Variants in PTPRJ observed in about 807,000 individuals in gnomAD.
PTPRJ encodes the protein protein tyrosine phosphatase receptor type J, also known as receptor-type tyrosine-protein phosphatase eta.
PTPRJ carries 129 observed loss-of-function variants against 141.3 expected under a neutral mutation model. The ratio of observed to expected loss-of-function variants is 0.91; its 90% CI spans 0.79 to 1.06. PTPRJ has a LOEUF of 1.06. PTPRJ is among the 50% of genes least tolerant of loss of function. The probability of loss-of-function intolerance (pLI) is 0.00; values close to 1 mark genes in which losing one functional copy is unlikely to be tolerated. For synonymous variants in PTPRJ, 610 were observed against 640.5 expected, an observed-to-expected ratio of 0.95 and a Z score of 0.72; for missense variants, 1,601 against 1,679.7, an observed-to-expected ratio of 0.95 and a Z score of 0.82.
At position 48,167,267 on chromosome 11, in the gene PTPRJ, G is replaced by A. The variant is rs1277771513; in HGVS notation, c.3919G>A (p.Val1307Ile). ...DIVRSQKDSK[V>I]DLIYQNTTAM... ...TGTCAGATCCCAGAAAGACTCAAAAGTAGATCTTATCTACCAGAACACAAC... is the reference window on the plus strand; with the variant it reads ...TGTCAGATCCCAGAAAGACTCAAAAATAGATCTTATCTACCAGAACACAAC... The change falls in exon 25 of 25, where the codon GTA (valine) becomes ATA (isoleucine). Residue 1307 changes from valine (V) to isoleucine (I), a missense_variant. Val to Ile is a conservative substitution (Grantham distance 29, BLOSUM62 3). Transcript: ENST00000418331. 1 of 1,612,974 alleles carries A rather than the reference G, an allele frequency of 6.2e-7. No individual in the cohort carries two copies. Among genetic ancestry groups the A allele is most frequent in the Middle Eastern group, 1.7e-4 (1 of 6,058 alleles).
intron 1 of PTPRJ, among the ~76,000 whole-genome samples, chr11:48,065,092 G>A (rs1297583503): frequency 7.5e-6 from 1 of 133,616 alleles, no homozygotes; most frequent in Non-Finnish European, 1.5e-5. Context: ...TCATCTTACT[G>A]CAACCTCTTC....
chr11:48,016,714 C>G (rs747482959), intron 1 of PTPRJ, among the ~76,000 whole-genome samples: 2 of 152,124 alleles, frequency 1.3e-5, no homozygotes, highest in African/African-American at 2.4e-5. Context: ...AGCCTTTTGT[C>G]TGGCATTAAC....
At chr11:48,125,450 C>T (rs1181652019) in intron 6 of PTPRJ, among the ~76,000 whole-genome samples, 1 of 152,206 alleles carries the variant, frequency 6.6e-6, no homozygotes, top group Non-Finnish European at 1.5e-5. Context: ...CCATCTTTCA[C>T]AGCTTTGCGT....
intron 1 of PTPRJ, among the ~76,000 whole-genome samples, chr11:48,027,961 C>A (rs140255364): frequency 2.0e-5 from 3 of 151,994 alleles, no homozygotes; most frequent in Non-Finnish European, 4.4e-5. Context: ...CTTCCAGGGT[C>A]CAGATGCTTC....
At chr11:48,075,470 T>C (rs942386472) in intron 1 of PTPRJ, among the ~76,000 whole-genome samples, 3 of 152,180 alleles carry the variant, frequency 2.0e-5, no homozygotes, top group Non-Finnish European at 4.4e-5. Flanking sequence ...TCACCCAGGC[T>C]GGAGTGCAGT....
At chr11:48,009,774 A>G (rs1854729900) in intron 1 of PTPRJ, among the ~76,000 whole-genome samples, 1 of 152,228 alleles carries the variant, frequency 6.6e-6, no homozygotes, top group Non-Finnish European at 1.5e-5. Flanking sequence ...TTCCCAGTTC[A>G]GGCTTCTCAG....
intron 1 of PTPRJ, among the ~76,000 whole-genome samples, chr11:48,034,647 A>C (rs541775762): frequency 7.9e-5 from 12 of 152,308 alleles, no homozygotes; most frequent in African/African-American, 2.9e-4. Context: ...GGAGGTAGGT[A>C]CTATTATTTT....
intron 1 of PTPRJ, among the ~76,000 whole-genome samples, chr11:48,062,252 G>A (rs542335105): frequency 6.6e-6 from 1 of 151,388 alleles, no homozygotes; most frequent in Admixed American, 6.6e-5. Context: ...GGTGGCTCAT[G>A]CCTGTAATCC....
intron 1 of PTPRJ, among the ~76,000 whole-genome samples, chr11:48,043,792 C>G (rs1317699154): frequency 6.6e-6 from 1 of 152,080 alleles, no homozygotes; most frequent in Non-Finnish European, 1.5e-5. Context: ...CTCTGTTTAC[C>G]GAGTGCATGC....
chr11:48,020,718 T>G (rs921610837), intron 1 of PTPRJ, among the ~76,000 whole-genome samples: 3 of 152,176 alleles, frequency 2.0e-5, no homozygotes, highest in Admixed American at 1.3e-4. Context: ...ATGGAGCTTC[T>G]GGAAGTATCA....
chr11:48,092,722 G>A (rs1355756613), intron 1 of PTPRJ, among the ~76,000 whole-genome samples: 1 of 152,164 alleles, frequency 6.6e-6, no homozygotes. Flanking sequence ...GAACTACTGC[G>A]CCGGGCTTGA....
chr11:48,069,694 G>A (rs532293281), intron 1 of PTPRJ, among the ~76,000 whole-genome samples: 14 of 151,348 alleles, frequency 9.3e-5, no homozygotes, highest in African/African-American at 3.2e-4. Flanking sequence ...CTCGTGATCC[G>A]CCCACCTCAG....
At position 48,062,680 on chromosome 11, in the gene PTPRJ, G is replaced by A. The variant is rs191292439; in HGVS notation, c.97-47378G>A. ...AGGTTGGACAAGGTGCTGGAGCAGC[G>A]TCAAGGAAGAGAGATCGAACAAGAA... On this transcript the variant is annotated intron_variant, in intron 1 of 24. Transcript: ENST00000418331. Among the ~76,000 whole-genome samples the A allele has an allele frequency of 2.9e-3, 446 of 152,334 alleles. 2 individuals are homozygous for A. Among genetic ancestry groups the A allele is most frequent in the Middle Eastern group, 0.02 (6 of 294 alleles).
In PTPRJ at chr11:48,137,147, T is replaced by A; in HGVS notation, c.2018T>A (p.Val673Glu). The A allele has an allele frequency of 1.2e-6, 2 of 1,612,908 alleles. No homozygotes were observed. The highest frequency in any genetic ancestry group is 1.7e-6 in the Non-Finnish European group (2 of 1,178,870). Residue 673 changes from valine to glutamate, a missense_variant, in exon 10 of 25, where the codon GTA becomes GAA. Val to Glu is a moderately radical substitution (Grantham distance 121). Transcript: ENST00000418331. ...GGAAATTCCAGCAACGCAACACAAG[T>A]AGTCACGGACATTGGAATTACTGAC... ...KAGNSSNATQ[V>E]VTDIGITDAT...
rs202199406 is a variant in PTPRJ at position 48,130,633 on chromosome 11, C to T, written c.1532C>T (p.Pro511Leu). 377 of 1,613,892 alleles carry T rather than the reference C, an allele frequency of 2.3e-4. No homozygotes were observed. Among genetic ancestry groups the T allele is most frequent in the Non-Finnish European group, 3.1e-4 (365 of 1,179,962 alleles). Residue 511 changes from proline (P) to leucine (L), a missense_variant, in exon 8 of 25, where the codon CCT (proline) becomes CTT (leucine). By Grantham distance (98) the Pro-to-Leu change is moderately conservative. Transcript: ENST00000418331. ...AGTATTATCATTGGTGGCTTGTTCC[C>T]TGGAACCAAGTATTGCTTTGAAATA... is the stretch of plus-strand genomic sequence containing the variant. ...NQSIIIGGLF[P>L]GTKYCFEIVP...
intron 7 of PTPRJ, 40 bp from the exon 8 acceptor site, chr11:48,130,419 A>G: frequency 6.4e-7 from 1 of 1,567,056 alleles, no homozygotes; most frequent in South Asian, 1.2e-5. Context: ...TCTCCTGGAG[A>G]AGTATATTTT....
chr11:47,990,978 G>A (rs1453160941), intron 1 of PTPRJ, among the ~76,000 whole-genome samples: 9 of 151,824 alleles, frequency 5.9e-5, no homozygotes, highest in Admixed American at 2.0e-4. Context: ...CGTGACCGGC[G>A]GAAAGTGTTG....
chr11:48,120,976 A>ATTT lies in PTPRJ; in HGVS notation c.353-13_353-11dup. The ATTT allele has an allele frequency of 2.9e-6, 4 of 1,370,714 alleles. No individual in the cohort carries two copies. In the South Asian group the frequency reaches 4.3e-5, roughly 15 times the overall value. The allele number at this position is 1,370,714 out of a possible 1,614,324, so 84.9% of individuals were successfully genotyped here. On this transcript the variant is annotated intron_variant, in intron 3 of 24. Coordinates refer to ENST00000418331, the MANE Select transcript of PTPRJ (RefSeq NM_002843.4). ...TTACATTTCTTTTTGAAGTGCAATA[A>ATTT]TTTTTTTTTTTTTTTTAACAATATA...
chr11:48,072,609 T>C (rs1312035645), intron 1 of PTPRJ, among the ~76,000 whole-genome samples: 1 of 152,200 alleles, frequency 6.6e-6, no homozygotes, highest in African/African-American at 2.4e-5. Flanking sequence ...GATAGCAATA[T>C]ATATCTTACC....
Sources: gnomAD v4.1 joint callset for allele counts (sites outside exome capture counted in the v4.1 genomes callset) on GRCh38, gnomAD v4.1.1 for gene constraint, MANE v1.5 for transcripts, NCBI Gene and HGNC (gene_info 2026-07-23, HGNC 2026-07-21) for gene names.